Variants in GRID2 observed in about 807,000 individuals in gnomAD.
GRID2 encodes glutamate ionotropic receptor delta type subunit 2.
In GRID2, 33 loss-of-function variants were observed where a neutral mutation model predicts 114.8. That is an observed-to-expected ratio of 0.29 (90% confidence interval 0.22 to 0.38). The LOEUF (loss-of-function observed/expected upper bound fraction) is 0.38. Among genes scored for constraint, GRID2 ranks in the 10% least tolerant of loss-of-function variants. The pLI is 1.00. For synonymous variants in GRID2, 505 were observed against 449.9 expected (o/e 1.12, Z -1.55); for missense variants, 1,184 against 1,257.7 (o/e 0.94, Z 0.89).
At chr4:93,416,405 G>A (rs953412659) in intron 9 of GRID2, among the ~76,000 whole-genome samples, 178 of 152,066 alleles carry the variant, frequency 1.2e-3, no homozygotes, top group African/African-American at 4.0e-3. Flanking sequence ...ATGTTTTAGG[G>A]AAAAAATATT....
At chr4:93,569,337 A>G (rs2149576853) in intron 13 of GRID2, among the ~76,000 whole-genome samples, 1 of 152,260 alleles carries the variant, frequency 6.6e-6, no homozygotes, top group East Asian at 1.9e-4. Context: ...CTTCTGGAGA[A>G]GCCTACTCTA....
chr4:92,686,067 ACTCT>A (rs774856524), intron 2 of GRID2, among the ~76,000 whole-genome samples: 64 of 151,886 alleles, frequency 4.2e-4, no homozygotes, highest in Admixed American at 1.1e-3. Context: ...AAGCTGAATG[ACTCT>A]CTCTGTAAAG....
At chr4:93,067,384 A>G (rs967374675) in intron 2 of GRID2, among the ~76,000 whole-genome samples, 1 of 152,034 alleles carries the variant, frequency 6.6e-6, no homozygotes, top group African/African-American at 2.4e-5. Flanking sequence ...GAAGTCCAAC[A>G]TCAAAGTGCC....
At chr4:93,743,623 G>A (rs750757491) in intron 14 of GRID2, among the ~76,000 whole-genome samples, 2 of 152,328 alleles carry the variant, frequency 1.3e-5, no homozygotes, top group East Asian at 1.9e-4. Flanking sequence ...GGAAGCAAGA[G>A]AGAGAGGGAA....
rs10004994 is a variant in GRID2 at position 93,207,155 on chromosome 4, C to T, written c.736-249C>T. Among the ~76,000 whole-genome samples, 69,792 of 151,760 alleles carry T rather than the reference C, an allele frequency of 0.46. 17,320 individuals carry two copies. The highest frequency in any genetic ancestry group is 0.67 in the Middle Eastern group (198 of 294). On this transcript the variant is annotated intron_variant, in intron 4 of 15. Coordinates refer to ENST00000282020, the MANE Select transcript of GRID2 (RefSeq NM_001510.4). ...ATTTATGTATTTTTTTCTGTTGAAACCCATGGTTTTCTAGGTTTTGATGAA... is the reference window on the plus strand; with the variant it reads ...ATTTATGTATTTTTTTCTGTTGAAATCCATGGTTTTCTAGGTTTTGATGAA...
rs1051410071 is a variant in GRID2, at chr4:93,563,633, T to C, written c.2193+48222T>C. Among the ~76,000 whole-genome samples, 7 of 151,924 alleles carry C rather than the reference T, an allele frequency of 4.6e-5. No homozygotes were observed. In the East Asian group the frequency reaches 1.2e-3, roughly 25 times the overall value. ...TTATAAATTAAATGAAGCATAACAA[T>C]AGTGTGTTTTTTAAAAAAATCTCAT... On this transcript the variant is annotated intron_variant, in intron 13 of 15. Coordinates refer to ENST00000282020, the MANE Select transcript of GRID2 (RefSeq NM_001510.4).
At chr4:92,485,348 AGTGTGTGTG>A (rs1722829862) in intron 1 of GRID2, among the ~76,000 whole-genome samples, 1 of 49,518 alleles carries the variant, frequency 2.0e-5, no homozygotes, top group South Asian at 6.1e-4. Context: ...ATATATATAT[AGTGTGTGTG>A]TGTGTGTGTG....
intron 2 of GRID2, among the ~76,000 whole-genome samples, chr4:92,746,320 A>G (rs74606704): frequency 0.054 from 8,260 of 152,224 alleles, 250 homozygotes; most frequent in Middle Eastern, 0.092. Context: ...CTTTTAAAAT[A>G]TATTTATTGT....
chr4:93,331,134 C>CCA (rs1553911159), intron 8 of GRID2, among the ~76,000 whole-genome samples: 1 of 147,038 alleles, frequency 6.8e-6, no homozygotes, highest in Non-Finnish European at 1.5e-5. Flanking sequence ...TAACCCCCCC[C>CCA]CCATTTCACT....
intron 8 of GRID2, among the ~76,000 whole-genome samples, chr4:93,284,152 C>A (rs116777975): frequency 6.6e-6 from 1 of 152,172 alleles, no homozygotes; most frequent in Non-Finnish European, 1.5e-5. Context: ...CTTCAATTTA[C>A]AGCCCTAATA....
Position 92,542,015 on chromosome 4 carries a change from C to CT in GRID2, c.89-48109dup, listed in dbSNP as rs920564821. Among the ~76,000 whole-genome samples, 3 of 151,908 alleles carry CT rather than the reference C, an allele frequency of 2.0e-5. 1 individual carries two copies. Among genetic ancestry groups the CT allele is most frequent in the Middle Eastern group, 6.8e-3 (2 of 294 alleles). ...TTCTTTTTTATTTTAACTCTTAATC[C>CT]TTTTTTTGCAATAAGGTTCAAGAAA... On this transcript the variant is annotated intron_variant, in intron 1 of 15. Transcript: ENST00000282020.
At chr4:93,230,387 T>TA (rs1278815156) in intron 7 of GRID2, among the ~76,000 whole-genome samples, 2 of 152,102 alleles carry the variant, frequency 1.3e-5, no homozygotes, top group African/African-American at 4.8e-5. Flanking sequence ...GGCATAGACT[T>TA]AAAAAGCAGC....
At chr4:93,325,465 C>T (rs534902975) in intron 8 of GRID2, among the ~76,000 whole-genome samples, 1 of 151,938 alleles carries the variant, frequency 6.6e-6, no homozygotes, top group African/African-American at 2.4e-5. Context: ...CATCTCTTAA[C>T]CTGTTTTTCA....
rs576781323 is a variant in GRID2, at chr4:93,803,419, C to G, written c.222-3296C>G. Among the ~76,000 whole-genome samples, 6 of 152,234 alleles carry G rather than the reference C, an allele frequency of 3.9e-5. 1 individual carries two copies. In the South Asian group the frequency reaches 1.2e-3, roughly 32 times the overall value. ...GCGAGTCATGGTCCAAGTTTTTTCT[C>G]CCTTCAAAACCACACCTTTTTTGGC... is the stretch of plus-strand genomic sequence containing the variant. On this transcript the variant is annotated intron_variant, in intron 1 of 1. Coordinates refer to the GRID2 transcript ENST00000637838.
intron 14 of GRID2, among the ~76,000 whole-genome samples, chr4:93,635,804 T>C (rs207464888): frequency 6.6e-6 from 1 of 152,150 alleles, no homozygotes; most frequent in Non-Finnish European, 1.5e-5. Context: ...GATGACAGAA[T>C]AAGTATAGTT....
chr4:92,757,890 G>A (rs537386770), intron 2 of GRID2, among the ~76,000 whole-genome samples: 7 of 151,890 alleles, frequency 4.6e-5, no homozygotes, highest in Admixed American at 6.6e-5. Flanking sequence ...TAAGATACAC[G>A]TCAGTAGTAA....
intron 8 of GRID2, among the ~76,000 whole-genome samples, chr4:93,346,222 A>G (rs1156307591): frequency 6.6e-6 from 1 of 152,134 alleles, no homozygotes; most frequent in Admixed American, 6.6e-5. Context: ...GAAACTTGTG[A>G]CTTTTTTATT....
At chr4:93,025,796 A>G (rs1438379776) in intron 2 of GRID2, among the ~76,000 whole-genome samples, 1 of 151,736 alleles carries the variant, frequency 6.6e-6, no homozygotes, top group African/African-American at 2.4e-5. Flanking sequence ...ACAAGCATTT[A>G]CTGAAATTTG....
intron 2 of GRID2, among the ~76,000 whole-genome samples, chr4:92,683,661 A>G (rs1553916432): frequency 6.6e-6 from 1 of 151,824 alleles, no homozygotes; most frequent in Non-Finnish European, 1.5e-5. Context: ...GTATATTTAA[A>G]TTATTTTATA....
Sources: allele counts gnomAD v4.1 joint callset (sites outside exome capture counted in the v4.1 genomes callset), GRCh38; gene constraint gnomAD v4.1.1; transcripts MANE v1.5; gene names NCBI Gene and HGNC (gene_info 2026-07-23, HGNC 2026-07-21).